GLRA3: variants seen among roughly 807,000 people sequenced by gnomAD.
The protein encoded by GLRA3 is glycine receptor alpha 3.
Under a neutral mutation model 60.4 loss-of-function variants are expected in GLRA3, and 44 were observed. The observed-to-expected ratio is 0.73, with a 90% confidence interval of 0.57 to 0.94. GLRA3 has a LOEUF of 0.94. Among genes scored for constraint, GLRA3 ranks in the 40% least tolerant of loss-of-function variants. The pLI is 0.00. For synonymous variants in GLRA3, 223 were observed against 192.9 expected, an observed-to-expected ratio of 1.16 and a Z score of -1.29; for missense variants, 508 against 564.6, an observed-to-expected ratio of 0.90 and a Z score of 1.02.
At chr4:174,809,148 A>C (rs1277696655) in intron 1 of GLRA3, among the ~76,000 whole-genome samples, 1 of 152,146 alleles carries the variant, frequency 6.6e-6, no homozygotes, top group Non-Finnish European at 1.5e-5. Flanking sequence ...ACGTAGTTTT[A>C]CTGTATCATT....
At chr4:174,718,135 G>A (rs1579499445) in intron 4 of GLRA3, among the ~76,000 whole-genome samples, 2 of 152,170 alleles carry the variant, frequency 1.3e-5, no homozygotes, top group African/African-American at 4.8e-5. Context: ...TCTATTCATC[G>A]ACTTTTCTTT....
chr4:174,808,947 G>A (rs898024964), intron 1 of GLRA3, among the ~76,000 whole-genome samples: 2 of 152,052 alleles, frequency 1.3e-5, no homozygotes, highest in Non-Finnish European at 2.9e-5. Context: ...AAGAGTTACC[G>A]TAAGAAAGAA....
intron 5 of GLRA3, among the ~76,000 whole-genome samples, chr4:174,694,551 C>A (rs959194192): frequency 6.6e-6 from 1 of 152,098 alleles, no homozygotes; most frequent in African/African-American, 2.4e-5. Flanking sequence ...AACAAAGATA[C>A]AACATACCAG....
intron 2 of GLRA3, among the ~76,000 whole-genome samples, chr4:174,780,053 C>A (rs1738801050): frequency 6.8e-6 from 1 of 146,282 alleles, no homozygotes; most frequent in African/African-American, 2.5e-5. Flanking sequence ...ATGTTAAGGG[C>A]AGCCAGAGAG....
At chr4:174,810,873 C>T (rs1034912320) in intron 1 of GLRA3, among the ~76,000 whole-genome samples, 2 of 152,050 alleles carry the variant, frequency 1.3e-5, no homozygotes, top group East Asian at 1.9e-4. Context: ...TTGTCAAATC[C>T]GTGAAATAGC....
intron 9 of GLRA3, among the ~76,000 whole-genome samples, chr4:174,648,698 C>T (rs1222785363): frequency 6.6e-6 from 1 of 152,080 alleles, no homozygotes; most frequent in South Asian, 2.1e-4. Context: ...TCTGGGAAGG[C>T]AGGAGGGTGT....
chr4:174,711,349 T>G (rs1489015648), intron 5 of GLRA3, among the ~76,000 whole-genome samples: 1 of 151,364 alleles, frequency 6.6e-6, no homozygotes, highest in Non-Finnish European at 1.5e-5. Context: ...ATTGTTGATT[T>G]ATCTGTTTTT....
At position 174,694,585 on chromosome 4, in the gene GLRA3, A is replaced by C. The variant is rs9684126; in HGVS notation, c.575-11646T>G. ...AGAATCTCTGGGACACAGCTAAGGC[A>C]GTGTTAAGAAGGACATTGATAGCAG... On this transcript the variant is annotated intron_variant, in intron 5 of 9. Coordinates refer to ENST00000274093, the MANE Select transcript of GLRA3 (RefSeq NM_006529.4). Among the ~76,000 whole-genome samples, 1,168 of 152,324 alleles carry C rather than the reference A, an allele frequency of 7.7e-3. 15 individuals carry two copies. Among genetic ancestry groups the C allele is most frequent in the African/African-American group, 0.027 (1,127 of 41,578 alleles).
chr4:174,802,749 T>C (rs1739869009), intron 1 of GLRA3, among the ~76,000 whole-genome samples: 1 of 152,060 alleles, frequency 6.6e-6, no homozygotes, highest in Non-Finnish European at 1.5e-5. Context: ...AAAATCAAGA[T>C]GTAGAAATTT....
chr4:174,675,641 AT>A (rs1167097592), intron 7 of GLRA3, among the ~76,000 whole-genome samples: 1 of 152,192 alleles, frequency 6.6e-6, no homozygotes, highest in African/African-American at 2.4e-5. Context: ...GTAAATAAGC[AT>A]TGAGTATTAT....
At chr4:174,770,054 T>C (rs1738317014) in intron 2 of GLRA3, among the ~76,000 whole-genome samples, 1 of 152,154 alleles carries the variant, frequency 6.6e-6, no homozygotes, top group African/African-American at 2.4e-5. Context: ...TAAAATATCA[T>C]TTGAAGTTGC....
At position 174,642,701 on chromosome 4, in the gene GLRA3, A is replaced by G; in HGVS notation, c.*1085T>C. 1 of 736,656 alleles carries G rather than the reference A, an allele frequency of 1.4e-6. No homozygotes were observed. The highest frequency in any genetic ancestry group is 1.7e-6 in the Non-Finnish European group (1 of 603,244). 45.6% of individuals were successfully genotyped at this position (736,656 alleles called of 1,614,324 possible). On this transcript the variant is annotated 3_prime_UTR_variant, in exon 10 of 10. Coordinates refer to ENST00000274093, the MANE Select transcript of GLRA3 (RefSeq NM_006529.4). ...GAAAAAGAGTCCTCACTTTATAGAAATGACTTACTTATATCATTTAAAATT... is the reference window on the plus strand; with the variant it reads ...GAAAAAGAGTCCTCACTTTATAGAAGTGACTTACTTATATCATTTAAAATT...
chr4:174,777,208 T>A (rs1738635756), intron 2 of GLRA3, among the ~76,000 whole-genome samples: 1 of 152,170 alleles, frequency 6.6e-6, no homozygotes, highest in Non-Finnish European at 1.5e-5. Context: ...CAAAATGAGA[T>A]TTGACTTCTT....
chr4:174,738,071 T>C (rs759352343), intron 3 of GLRA3, among the ~76,000 whole-genome samples: 4 of 152,202 alleles, frequency 2.6e-5, no homozygotes, highest in South Asian at 2.1e-4. Flanking sequence ...AATTCTTACA[T>C]AGTTGTTTAT....
chr4:174,823,746 T>C (rs527368265), intron 1 of GLRA3, among the ~76,000 whole-genome samples: 1 of 152,294 alleles, frequency 6.6e-6, no homozygotes, highest in African/African-American at 2.4e-5. Context: ...TCTGTAAATA[T>C]GGACTAGTTT....
chr4:174,741,982 A>G (rs923780025), intron 3 of GLRA3, among the ~76,000 whole-genome samples: 2 of 152,288 alleles, frequency 1.3e-5, no homozygotes, highest in Middle Eastern at 3.4e-3. Context: ...TCTTTTGCTC[A>G]GACACACAGA....
chr4:174,735,876 C>A (rs1736764594), intron 3 of GLRA3, among the ~76,000 whole-genome samples: 1 of 152,118 alleles, frequency 6.6e-6, no homozygotes, highest in African/African-American at 2.4e-5. Context: ...AATATGTGGG[C>A]ATCTGCTTAC....
At chr4:174,780,569 A>G (rs1424165109) in intron 2 of GLRA3, among the ~76,000 whole-genome samples, 28 of 148,446 alleles carry the variant, frequency 1.9e-4, no homozygotes, top group African/African-American at 7.0e-4. Context: ...CAGGAAACCC[A>G]TCTCACATGC....
chr4:174,680,038 AG>A (rs1191483198), intron 6 of GLRA3, among the ~76,000 whole-genome samples: 4 of 152,240 alleles, frequency 2.6e-5, no homozygotes, highest in Non-Finnish European at 5.9e-5. Flanking sequence ...TAAATCTATG[AG>A]GTGATAGATG....
Sources: allele counts gnomAD v4.1 joint callset (sites outside exome capture counted in the v4.1 genomes callset), GRCh38; gene constraint gnomAD v4.1.1; transcripts MANE v1.5; gene names NCBI Gene and HGNC (gene_info 2026-07-23, HGNC 2026-07-21).